Variants in TFDP2 observed in about 807,000 individuals in gnomAD.
TFDP2 encodes the protein transcription factor Dp-2, also known as transcription factor Dp-2 (E2F dimerization partner 2).
A neutral mutation model predicts 59.3 loss-of-function variants in TFDP2; 17 were observed. That is an observed-to-expected ratio of 0.29 (90% CI 0.20 to 0.43). The LOEUF (loss-of-function observed/expected upper bound fraction) is 0.43, where lower values mean the gene tolerates loss of function less well. TFDP2 is among the 20% of genes least tolerant of loss of function. TFDP2 has a pLI of 1.00. For missense variants in TFDP2, 391 were observed against 528.8 expected (o/e 0.74, Z 2.56); for synonymous variants, 180 against 194.7 (o/e 0.92, Z 0.63).
intron 9 of TFDP2, among the ~76,000 whole-genome samples, chr3:141,969,290 C>T (rs1939339696): frequency 8.2e-6 from 1 of 121,456 alleles, no homozygotes; most frequent in Non-Finnish European, 1.7e-5. Flanking sequence ...ATATATATAA[C>T]CGGCCTAAAT....
intron 1 of TFDP2, among the ~76,000 whole-genome samples, chr3:142,116,379 G>A (rs114866251): frequency 0.011 from 1,747 of 152,116 alleles, 35 homozygotes; most frequent in African/African-American, 0.04. Context: ...ATTCTCTTAA[G>A]AGGAAAAAAG....
At chr3:142,132,580 G>GA (rs1441674778) in intron 1 of TFDP2, among the ~76,000 whole-genome samples, 1 of 148,752 alleles carries the variant, frequency 6.7e-6, no homozygotes, top group East Asian at 1.9e-4. Flanking sequence ...CCCGTCTCTA[G>GA]AAAAAATACA....
chr3:142,005,348 G>T, intron 4 of TFDP2, 93 bp downstream of exon 4: 1 of 1,098,512 alleles, frequency 9.1e-7, no homozygotes, highest in Non-Finnish European at 1.3e-6. Context: ...TGGTTTAACT[G>T]GAATATCTGA....
At chr3:142,128,624 C>G (rs2108720607) in intron 1 of TFDP2, among the ~76,000 whole-genome samples, 1 of 150,168 alleles carries the variant, frequency 6.7e-6, no homozygotes. Flanking sequence ...GATAACAAAA[C>G]AGGAGACACC....
At chr3:142,014,581 T>C (rs751755460) in intron 3 of TFDP2, among the ~76,000 whole-genome samples, 3 of 152,002 alleles carry the variant, frequency 2.0e-5, no homozygotes, top group African/African-American at 7.3e-5. Context: ...CTTGGGCGAG[T>C]TCATATTAAT....
At chr3:142,094,450 A>T (rs1444555325) in intron 2 of TFDP2, among the ~76,000 whole-genome samples, 1 of 151,898 alleles carries the variant, frequency 6.6e-6, no homozygotes, top group East Asian at 1.9e-4. Context: ...GATTACAGGC[A>T]CCTGCCACCA....
At chr3:142,144,982 G>A (rs543268761) in intron 1 of TFDP2, among the ~76,000 whole-genome samples, 6 of 152,196 alleles carry the variant, frequency 3.9e-5, no homozygotes, top group Non-Finnish European at 5.9e-5. Flanking sequence ...AGGAATGGTG[G>A]CAGACTACGG....
At chr3:142,103,726 A>C (rs773800694) in intron 1 of TFDP2, among the ~76,000 whole-genome samples, 1 of 152,184 alleles carries the variant, frequency 6.6e-6, no homozygotes, top group African/African-American at 2.4e-5. Context: ...AATTATCTCA[A>C]AATTAAACTT....
chr3:142,128,216 C>A (rs1041542912), intron 1 of TFDP2, among the ~76,000 whole-genome samples: 2 of 152,046 alleles, frequency 1.3e-5, no homozygotes, highest in African/African-American at 4.8e-5. Flanking sequence ...GAAAGAAAGA[C>A]AGAAAATGCC....
intron 1 of TFDP2, among the ~76,000 whole-genome samples, chr3:142,108,911 T>A (rs988178934): frequency 6.6e-6 from 1 of 152,194 alleles, no homozygotes; most frequent in Non-Finnish European, 1.5e-5. Flanking sequence ...GACAAACTCA[T>A]CTTCCTTTAG....
At position 142,103,078 on chromosome 3, in the gene TFDP2, A is replaced by T. The variant is rs540017958; in HGVS notation, c.-92-1237T>A. 5.9e-5 allele frequency among the ~76,000 whole-genome samples: 9 copies of T among 152,210 alleles called. No homozygotes were observed. The South Asian group carries it at 1.7e-3, about 28-fold the overall frequency. The stretch of plus-strand genomic sequence containing the variant: ...TGGTGAAACCCCTTCTCTACTAAAA[A>T]TACAAAAAAATTAGCTGGGTGTGGT... On this transcript the variant is annotated intron_variant, in intron 1 of 12. Transcript: ENST00000489671.
At chr3:142,096,702 A>C (rs1432778095) in intron 2 of TFDP2, among the ~76,000 whole-genome samples, 1 of 152,220 alleles carries the variant, frequency 6.6e-6, no homozygotes, top group Non-Finnish European at 1.5e-5. Flanking sequence ...ATATTGACTA[A>C]TAATATTGTA....
chr3:142,061,917 C>CT (rs1350918948), intron 3 of TFDP2, among the ~76,000 whole-genome samples: 2 of 150,572 alleles, frequency 1.3e-5, no homozygotes, highest in East Asian at 2.0e-4. Context: ...CACACACACA[C>CT]ACACACACAC....
At chr3:142,110,018 C>T (rs546236263) in intron 1 of TFDP2, among the ~76,000 whole-genome samples, 68 of 152,186 alleles carry the variant, frequency 4.5e-4, no homozygotes, top group Non-Finnish European at 6.3e-4. Context: ...GTTGGGACTA[C>T]AGGTGCGGGC....
chr3:142,021,852 G>A (rs764477646), intron 3 of TFDP2, among the ~76,000 whole-genome samples: 1 of 151,858 alleles, frequency 6.6e-6, no homozygotes, highest in Non-Finnish European at 1.5e-5. Context: ...TCACTTGCAG[G>A]GCCCTTCTCC....
chr3:142,066,116 T>C (rs112267189), intron 3 of TFDP2, among the ~76,000 whole-genome samples: 14 of 152,330 alleles, frequency 9.2e-5, no homozygotes, highest in African/African-American at 2.4e-5. Context: ...TCACCAGAAA[T>C]GCATTATTAT....
At chr3:142,031,978 T>C (rs996622238) in intron 3 of TFDP2, among the ~76,000 whole-genome samples, 1 of 152,208 alleles carries the variant, frequency 6.6e-6, no homozygotes, top group African/African-American at 2.4e-5. Context: ...AGCAAAAACT[T>C]TCTGCTATCA....
At chr3:142,101,285 A>G (rs1279747709) in intron 2 of TFDP2, among the ~76,000 whole-genome samples, 1 of 151,966 alleles carries the variant, frequency 6.6e-6, no homozygotes, top group African/African-American at 2.4e-5. Context: ...ATGTTTCTTC[A>G]GGAACCATCT....
chr3:141,969,076 GAT>G (rs558348584), intron 9 of TFDP2, among the ~76,000 whole-genome samples: 1,679 of 58,428 alleles, frequency 0.029, 321 homozygotes, highest in East Asian at 0.05. Flanking sequence ...ATATATATGA[GAT>G]ATATATATAT....
Sources: gnomAD v4.1 joint callset for allele counts (sites outside exome capture counted in the v4.1 genomes callset) on GRCh38, gnomAD v4.1.1 for gene constraint, MANE v1.5 for transcripts, NCBI Gene and HGNC (gene_info 2026-07-23, HGNC 2026-07-21) for gene names.